Variants in IRF2 observed in about 807,000 individuals in gnomAD.
IRF2 encodes the protein interferon regulatory factor 2.
Under a neutral mutation model 40.6 loss-of-function variants are expected in IRF2, and 15 were observed. That is an observed-to-expected ratio of 0.37 (90% CI 0.25 to 0.57). IRF2 has a LOEUF of 0.57. Ranked by LOEUF, IRF2 falls within the 20% of genes least tolerant of loss-of-function variation. The pLI is 0.77. For missense variants in IRF2, 317 were observed against 455.7 expected, an observed-to-expected ratio of 0.70 and a Z score of 2.77; for synonymous variants, 151 against 165.5, an observed-to-expected ratio of 0.91 and a Z score of 0.67.
At chr4:184,470,816 C>G (rs894220549) in intron 1 of IRF2, among the ~76,000 whole-genome samples, 2 of 152,002 alleles carry the variant, frequency 1.3e-5, no homozygotes, top group African/African-American at 4.8e-5. Context: ...CAGACTAAAG[C>G]ACAGAGAGGC....
intron 1 of IRF2, among the ~76,000 whole-genome samples, chr4:184,438,291 T>C (rs1738163037): frequency 6.6e-6 from 1 of 152,158 alleles, no homozygotes; most frequent in African/African-American, 2.4e-5. Context: ...GCCAGAAACC[T>C]CTAGACCTGT....
intron 5 of IRF2, among the ~76,000 whole-genome samples, chr4:184,412,183 T>G: frequency 6.6e-6 from 1 of 152,108 alleles, no homozygotes; most frequent in East Asian, 1.9e-4. Flanking sequence ...TTGCTATAAT[T>G]ACAGAATCCA....
At chr4:184,471,442 T>A (rs975501719) in intron 1 of IRF2, among the ~76,000 whole-genome samples, 8 of 152,234 alleles carry the variant, frequency 5.3e-5, no homozygotes, top group Non-Finnish European at 8.8e-5. Context: ...ATTGAGTGTG[T>A]ACATAAATTC....
At chr4:184,401,566 T>G (rs2149893996) in intron 6 of IRF2, among the ~76,000 whole-genome samples, 1 of 152,298 alleles carries the variant, frequency 6.6e-6, no homozygotes, top group Non-Finnish European at 1.5e-5. Context: ...GGTGAGGACA[T>G]CAATTATGCA....
Position 184,388,702 on chromosome 4 carries a change from A to G in IRF2, c.*56T>C. On this transcript the variant is annotated 3_prime_UTR_variant, in exon 9 of 9. Transcript: ENST00000393593. This position sits in a 1 kb window ranked among gnomAD's most constrained non-coding sequence, Gnocchi z 4.6. Reference sequence around the variant, plus strand: ...TCAGAGAGAAAAAAATAAAATACAAACAAACAACAAAACAAAGCCAAGAAG... The same window carrying G: ...TCAGAGAGAAAAAAATAAAATACAAGCAAACAACAAAACAAAGCCAAGAAG... 1.3e-6 allele frequency: 2 copies of G among 1,536,326 alleles called. No homozygotes were observed. The highest frequency in any genetic ancestry group is 1.8e-6 in the Non-Finnish European group (2 of 1,137,380).
At chr4:184,421,935 G>A (rs566476125) in intron 2 of IRF2, among the ~76,000 whole-genome samples, 1 of 152,320 alleles carries the variant, frequency 6.6e-6, no homozygotes, top group African/African-American at 2.4e-5. Flanking sequence ...GGGGTCTGGT[G>A]GACGGTGTTT....
chr4:184,467,409 C>T (rs1019848591), intron 1 of IRF2, among the ~76,000 whole-genome samples: 23 of 152,334 alleles, frequency 1.5e-4, no homozygotes, highest in Middle Eastern at 3.4e-3. Context: ...CCATTGCTAT[C>T]CTTTCACCCG....
At position 184,417,860 on chromosome 4, in the gene IRF2, T is replaced by C. The variant is rs114990201; in HGVS notation, c.411+307A>G. Among the ~76,000 whole-genome samples, 704 of 152,350 alleles carry C rather than the reference T, an allele frequency of 4.6e-3. 7 individuals carry two copies. Among genetic ancestry groups the C allele is most frequent in the African/African-American group, 0.016 (670 of 41,576 alleles). ...TATGAGAATAAGCTGTTGTGGAGTT[T>C]AGCTGGCACAAAATGACCACTGGCA... On this transcript the variant is annotated intron_variant, in intron 5 of 8. Transcript: ENST00000393593.
chr4:184,409,466 C>T (rs1736991109), intron 5 of IRF2, among the ~76,000 whole-genome samples: 2 of 152,218 alleles, frequency 1.3e-5, no homozygotes, highest in South Asian at 4.1e-4. Flanking sequence ...CCATACACTG[C>T]CTGGTTTACC....
At chr4:184,418,374 A>G (rs1303291991) in intron 4 of IRF2, 158 bp downstream of exon 4, 2 of 950,080 alleles carry the variant, frequency 2.1e-6, no homozygotes, top group Middle Eastern at 2.2e-4. Flanking sequence ...TGGTGAATCG[A>G]AAGTCTTGTT....
At chr4:184,439,361 A>G (rs886393335) in intron 1 of IRF2, among the ~76,000 whole-genome samples, 3 of 151,566 alleles carry the variant, frequency 2.0e-5, no homozygotes, top group African/African-American at 7.3e-5. Context: ...CTTAAAAAAA[A>G]AAAAAAGGTC....
intron 7 of IRF2, among the ~76,000 whole-genome samples, chr4:184,391,952 T>G (rs540808834): frequency 1.3e-5 from 2 of 152,344 alleles, no homozygotes; most frequent in Admixed American, 1.3e-4. Flanking sequence ...AGCAAGGGCC[T>G]GGCACACAGC....
At chr4:184,444,703 G>A (rs548460427) in intron 1 of IRF2, among the ~76,000 whole-genome samples, 2 of 152,254 alleles carry the variant, frequency 1.3e-5, no homozygotes, top group Non-Finnish European at 2.9e-5. Context: ...CTCAACAAAG[G>A]GATGATTTAT....
rs146589271 is a variant in IRF2, at chr4:184,446,232, G to A, written c.-6-17162C>T. Among the ~76,000 whole-genome samples, 127 of 152,300 alleles carry A rather than the reference G, an allele frequency of 8.3e-4. 1 individual carries two copies. Among genetic ancestry groups the A allele is most frequent in the African/African-American group, 2.1e-3 (88 of 41,560 alleles). On this transcript the variant is annotated intron_variant, in intron 1 of 8. Coordinates refer to ENST00000393593, the MANE Select transcript of IRF2 (RefSeq NM_002199.4). Reference sequence around the variant, plus strand: ...TGTTGTTTCATGCTTCCCAGTTTGCGGTAATTTGTTATGGCAGCCACAGGA... The same window carrying A: ...TGTTGTTTCATGCTTCCCAGTTTGCAGTAATTTGTTATGGCAGCCACAGGA...
chr4:184,452,770 C>A (rs1431936765), intron 1 of IRF2, among the ~76,000 whole-genome samples: 10 of 53,826 alleles, frequency 1.9e-4, no homozygotes, highest in East Asian at 8.5e-4. Flanking sequence ...GACCCTGTCT[C>A]AAAAAAAAAA....
chr4:184,421,451 T>A (rs1737479561), intron 2 of IRF2, among the ~76,000 whole-genome samples: 1 of 152,194 alleles, frequency 6.6e-6, no homozygotes, highest in South Asian at 2.1e-4. Context: ...TTAATGTAGA[T>A]GAAAATCGAC....
intron 1 of IRF2, among the ~76,000 whole-genome samples, chr4:184,451,273 T>C (rs568340971): frequency 6.6e-6 from 1 of 152,352 alleles, no homozygotes; most frequent in Admixed American, 6.5e-5. Context: ...AATCAGCTTC[T>C]ACATTTGCAG....
At chr4:184,390,048 A>G (rs1261660388) in intron 8 of IRF2, among the ~76,000 whole-genome samples, 3 of 152,210 alleles carry the variant, frequency 2.0e-5, no homozygotes, top group Non-Finnish European at 4.4e-5. Context: ...AGTGTTTAGT[A>G]CATGGGAAAC....
chr4:184,395,954 T>C (rs537268713), intron 7 of IRF2, among the ~76,000 whole-genome samples: 1 of 152,186 alleles, frequency 6.6e-6, no homozygotes, highest in Non-Finnish European at 1.5e-5. Flanking sequence ...GAAGAGGTCT[T>C]TCCAGAATCC....
Sources: gnomAD v4.1 joint callset for allele counts (sites outside exome capture counted in the v4.1 genomes callset) on GRCh38, gnomAD v4.1.1 for gene constraint, Gnocchi (gnomAD v3.1) non-coding constraint, MANE v1.5 for transcripts, NCBI Gene and HGNC (gene_info 2026-07-23, HGNC 2026-07-21) for gene names.